The following PPP1R14C variants were observed in gnomAD, a reference collection of about 807,000 sequenced individuals.
PPP1R14C encodes the protein protein phosphatase 1 regulatory inhibitor subunit 14C, also known as protein phosphatase 1 regulatory subunit 14C.
PPP1R14C carries 16 observed loss-of-function variants against 20.4 expected under a neutral mutation model. The observed-to-expected ratio is 0.78, with a 90% CI of 0.53 to 1.19. The LOEUF is 1.19. Ranked by LOEUF, PPP1R14C falls within the 50% of genes most tolerant of loss-of-function variation. PPP1R14C has a pLI of 0.00. For synonymous variants in PPP1R14C, 91 were observed against 91.0 expected (o/e 1.00, Z 0.00); for missense variants, 211 against 220.1 (o/e 0.96, Z 0.26).
At chr6:150,246,307 A>G (rs1207749894) in intron 3 of PPP1R14C, among the ~76,000 whole-genome samples, 1 of 152,164 alleles carries the variant, frequency 6.6e-6, no homozygotes, top group Non-Finnish European at 1.5e-5. Flanking sequence ...TTTGCTTTAA[A>G]AAAAAAACAA....
At chr6:150,171,254 A>T (rs1777496000) in intron 1 of PPP1R14C, among the ~76,000 whole-genome samples, 1 of 152,234 alleles carries the variant, frequency 6.6e-6, no homozygotes, top group Admixed American at 6.5e-5. Flanking sequence ...TGTGTTTGAC[A>T]GCTGGCTTAT....
chr6:150,239,076 T>C (rs1778402042), intron 3 of PPP1R14C, among the ~76,000 whole-genome samples: 1 of 152,216 alleles, frequency 6.6e-6, no homozygotes, highest in Non-Finnish European at 1.5e-5. Context: ...AAAGAATGGA[T>C]TCCCTTTTTA....
chr6:150,164,684 A>C (rs1043264024), intron 1 of PPP1R14C: 12 of 174,888 alleles, frequency 6.9e-5, no homozygotes, highest in Admixed American at 6.3e-4. Context: ...GACCCATCTG[A>C]CCTGAATTTG....
At chr6:150,184,580 C>T (rs528591298) in intron 1 of PPP1R14C, among the ~76,000 whole-genome samples, 110 of 150,396 alleles carry the variant, frequency 7.3e-4, no homozygotes, top group Non-Finnish European at 1.5e-3. Context: ...TGTGTTTTGT[C>T]GTTACTATAC....
At chr6:150,238,628 G>T (rs1778394923) in intron 3 of PPP1R14C, among the ~76,000 whole-genome samples, 1 of 152,268 alleles carries the variant, frequency 6.6e-6, no homozygotes, top group Non-Finnish European at 1.5e-5. Context: ...CAGGGCCTGT[G>T]TTTCTGTGTC....
At chr6:150,168,457 C>T (rs1240968558) in intron 1 of PPP1R14C, among the ~76,000 whole-genome samples, 2 of 152,056 alleles carry the variant, frequency 1.3e-5, no homozygotes, top group Admixed American at 6.5e-5. Flanking sequence ...GGCGTGAACC[C>T]GGGAGGCGGA....
intron 1 of PPP1R14C, among the ~76,000 whole-genome samples, chr6:150,149,084 G>A (rs1777212651): frequency 6.6e-6 from 1 of 151,954 alleles, no homozygotes; most frequent in African/African-American, 2.4e-5. Flanking sequence ...AAAGTCAGTA[G>A]ATAAAAGAAT....
intron 1 of PPP1R14C, among the ~76,000 whole-genome samples, chr6:150,171,552 C>T (rs1370787738): frequency 6.6e-6 from 1 of 152,208 alleles, no homozygotes; most frequent in East Asian, 1.9e-4. Context: ...CACGTCTCCA[C>T]ACAGAATCTG....
Position 150,248,959 on chromosome 6 carries a change from G to A in PPP1R14C, c.*139G>A, listed in dbSNP as rs377647392. On this transcript the variant is annotated 3_prime_UTR_variant, in exon 4 of 4. Coordinates refer to ENST00000361131, the MANE Select transcript of PPP1R14C (RefSeq NM_030949.3). Reference sequence around the variant, plus strand: ...TTTTTTTCTTTTTTGGTGTGAAGGTGGGGGGGTCTATTAGACATTTATTCA... The same window carrying A: ...TTTTTTTCTTTTTTGGTGTGAAGGTAGGGGGGTCTATTAGACATTTATTCA... The A allele has an allele frequency of 9.9e-6, 5 of 504,816 alleles. No homozygotes were observed. In the Admixed American group the frequency reaches 1.1e-4, roughly 11 times the overall value. 31.3% of individuals were successfully genotyped at this position (504,816 alleles called of 1,614,324 possible).
Position 150,219,175 on chromosome 6 carries a change from C to T in PPP1R14C, c.423+2319C>T, listed in dbSNP as rs115599246. 9.4e-3 allele frequency among the ~76,000 whole-genome samples: 1,425 copies of T among 151,954 alleles called. 20 individuals are homozygous for T. The highest frequency in any genetic ancestry group is 0.033 in the African/African-American group (1,351 of 41,428). On this transcript the variant is annotated intron_variant, in intron 3 of 3. Transcript: ENST00000361131. The stretch of plus-strand genomic sequence containing the variant: ...CTAACAGTAAATATGATCATGGTTC[C>T]TTTTTGTATAGCCCTTTGTTTCTCT...
At chr6:150,169,100 C>T (rs1777469970) in intron 1 of PPP1R14C, among the ~76,000 whole-genome samples, 1 of 152,214 alleles carries the variant, frequency 6.6e-6, no homozygotes, top group Non-Finnish European at 1.5e-5. Context: ...TGGTCTCGAA[C>T]TCCTGAGCTC....
chr6:150,177,708 G>A (rs952718837), intron 1 of PPP1R14C, among the ~76,000 whole-genome samples: 7 of 152,192 alleles, frequency 4.6e-5, no homozygotes, highest in South Asian at 2.1e-4. Context: ...TGTCCTTCTC[G>A]GAGACCAGTT....
chr6:150,147,930 T>G (rs1777198020), intron 1 of PPP1R14C, among the ~76,000 whole-genome samples: 1 of 152,222 alleles, frequency 6.6e-6, no homozygotes, highest in Non-Finnish European at 1.5e-5. Flanking sequence ...ATATATAGAT[T>G]GCTGCCTGAC....
chr6:150,200,596 C>T (rs1582915157), intron 1 of PPP1R14C, among the ~76,000 whole-genome samples: 1 of 152,300 alleles, frequency 6.6e-6, no homozygotes, highest in East Asian at 1.9e-4. Flanking sequence ...TCCCTTTGGA[C>T]ACACCCCTAG....
At chr6:150,223,019 T>C (rs1031376804) in intron 3 of PPP1R14C, among the ~76,000 whole-genome samples, 1 of 152,110 alleles carries the variant, frequency 6.6e-6, no homozygotes, top group Non-Finnish European at 1.5e-5. Flanking sequence ...TGTGCCCACC[T>C]CAGACTCCCA....
intron 1 of PPP1R14C, among the ~76,000 whole-genome samples, chr6:150,186,719 G>A (rs926588626): frequency 2.6e-5 from 4 of 152,130 alleles, no homozygotes; most frequent in East Asian, 3.8e-4. Context: ...AGCTGGGGAC[G>A]GCCTGGACCA....
chr6:150,149,659 A>G (rs1233059279), intron 1 of PPP1R14C, among the ~76,000 whole-genome samples: 2 of 151,982 alleles, frequency 1.3e-5, no homozygotes, highest in Non-Finnish European at 2.9e-5. Context: ...AGGAGGACTG[A>G]TTGGTGAGAC....
At chr6:150,210,365 A>T (rs944456315) in intron 1 of PPP1R14C, among the ~76,000 whole-genome samples, 1 of 152,208 alleles carries the variant, frequency 6.6e-6, no homozygotes, top group African/African-American at 2.4e-5. Context: ...CATCCAGTTC[A>T]TCTCCAAACT....
At chr6:150,223,127 T>C (rs1213426160) in intron 3 of PPP1R14C, among the ~76,000 whole-genome samples, 1 of 152,212 alleles carries the variant, frequency 6.6e-6, no homozygotes. Flanking sequence ...TGGCTTCTTT[T>C]CCTTAGTAAT....
Sources: allele counts gnomAD v4.1 joint callset (sites outside exome capture counted in the v4.1 genomes callset), GRCh38; gene constraint gnomAD v4.1.1; transcripts MANE v1.5; gene names NCBI Gene and HGNC (gene_info 2026-07-23, HGNC 2026-07-21).